Variants in NF1 observed in about 807,000 individuals in gnomAD.
NF1 encodes the protein neurofibromin.
Under a neutral mutation model 325.7 loss-of-function variants are expected in NF1, and 122 were observed. The ratio of observed to expected loss-of-function variants is 0.37; its 90% CI spans 0.32 to 0.44. The LOEUF is 0.44. NF1 is among the 20% of genes least tolerant of loss of function. NF1 has a pLI of 1.00. For synonymous variants in NF1, 1,091 were observed against 1,186.0 expected (o/e 0.92, Z 1.65); for missense variants, 2,140 against 3,415.4 (o/e 0.63, Z 9.31).
intron 18 of NF1, 93 bp from the exon 19 acceptor site, chr17:31,227,125 C>T: frequency 7.6e-6 from 10 of 1,307,746 alleles, no homozygotes; most frequent in Non-Finnish European, 1.0e-5. Flanking sequence ...TTGCTCTGCT[C>T]TTCCTACTCC....
chr17:31,290,290 T>C (rs1040846462), intron 36 of NF1, among the ~76,000 whole-genome samples: 6 of 152,220 alleles, frequency 3.9e-5, no homozygotes, highest in Non-Finnish European at 7.3e-5. Flanking sequence ...GCTGGTTTTA[T>C]GACTTCCTTG....
intron 36 of NF1, among the ~76,000 whole-genome samples, chr17:31,274,572 T>C (rs1293558805): frequency 3.3e-5 from 5 of 152,134 alleles, no homozygotes; most frequent in African/African-American, 1.2e-4. Flanking sequence ...TGGAGGTTAA[T>C]GTGGTCAGAT....
chr17:31,096,980 T>G (rs886450439), intron 1 of NF1, among the ~76,000 whole-genome samples: 9 of 152,294 alleles, frequency 5.9e-5, no homozygotes, highest in Middle Eastern at 3.4e-3. Flanking sequence ...CATAGAAGAC[T>G]TCCAAAGCTG....
At chr17:31,119,689 C>T (rs1914267028) in intron 1 of NF1, among the ~76,000 whole-genome samples, 1 of 152,066 alleles carries the variant, frequency 6.6e-6, no homozygotes, top group Non-Finnish European at 1.5e-5. Flanking sequence ...TTCCCCATGC[C>T]TGTGTCCTGA....
chr17:31,318,709 T>C, intron 36 of NF1: 1 of 1,614,172 alleles, frequency 6.2e-7, no homozygotes, highest in Non-Finnish European at 8.5e-7. Flanking sequence ...TGAAGGACTG[T>C]TGCTGACGAC....
At position 31,295,139 on chromosome 17, in the gene NF1, G is replaced by A. The variant is rs1484618711; in HGVS notation, c.4835+29800G>A. ...CTCTTCCCTCCATAAGTTAAGGGTT[G>A]TGCTTTGTTGAGGCATTTCAGAGAA... is the stretch of plus-strand genomic sequence containing the variant. On this transcript the variant is annotated intron_variant, in intron 36 of 57. Coordinates refer to ENST00000358273, the MANE Select transcript of NF1 (RefSeq NM_001042492.3). 5 of 1,614,178 alleles carry A rather than the reference G, an allele frequency of 3.1e-6. No individual in the cohort carries two copies. In the East Asian group the frequency reaches 1.1e-4, roughly 36 times the overall value.
At chr17:31,095,531 A>C in intron 1 of NF1, 162 bp downstream of exon 1, 4 of 509,616 alleles carry the variant, frequency 7.8e-6, no homozygotes, top group East Asian at 4.1e-5. Context: ...GGGGTGGCCA[A>C]GGCGGGAGGT....
chr17:31,293,482 G>A (rs1307580046), intron 36 of NF1, among the ~76,000 whole-genome samples: 2 of 152,090 alleles, frequency 1.3e-5, no homozygotes, highest in Non-Finnish European at 2.9e-5. Flanking sequence ...GAAAATGTTC[G>A]AGAGCCACTG....
At position 31,305,562 on chromosome 17, in the gene NF1, G is replaced by T. The variant is rs200921973; in HGVS notation, c.4836-20258G>T. ...TCTCTGTCTTTGAAAAAAATGTATT[G>T]TTCAGGTGTCCACAAAACAAAATTA... On this transcript the variant is annotated intron_variant, in intron 36 of 57. Coordinates refer to ENST00000358273, the MANE Select transcript of NF1 (RefSeq NM_001042492.3). 22 of 1,613,752 alleles carry T rather than the reference G, an allele frequency of 1.4e-5. No homozygotes were observed. The highest frequency in any genetic ancestry group is 1.6e-4 in the Middle Eastern group (1 of 6,080).
rs1175775797 is a variant in NF1, at chr17:31,204,258, T to C, written c.1261-1982T>C. Among the ~76,000 whole-genome samples, 8 of 152,134 alleles carry C rather than the reference T, an allele frequency of 5.3e-5. 1 individual carries two copies. The highest frequency in any genetic ancestry group is 4.6e-4 in the Admixed American group (7 of 15,276). On this transcript the variant is annotated intron_variant, in intron 11 of 57. Transcript: ENST00000358273. Reference sequence around the variant, plus strand: ...ACGACAATTTATCGTAATTTACATATGGATAGTTCACATACTGAAAATGAG... The same window carrying C: ...ACGACAATTTATCGTAATTTACATACGGATAGTTCACATACTGAAAATGAG...
At chr17:31,140,204 A>G (rs1916117242) in intron 1 of NF1, among the ~76,000 whole-genome samples, 1 of 152,236 alleles carries the variant, frequency 6.6e-6, no homozygotes, top group Admixed American at 6.5e-5. Flanking sequence ...AGAATCATGT[A>G]GGAGAGGTCA....
chr17:31,350,241 ACTT>A lies in NF1; in HGVS notation c.7387_7389del (p.Leu2463del), dbSNP rs786203184. 1.5e-5 allele frequency: 25 copies of A among 1,613,614 alleles called. No individual in the cohort carries two copies. Among genetic ancestry groups the A allele is most frequent in the East Asian group, 1.3e-4 (6 of 44,868 alleles). ...GCTGCAGCCTAAAACATAGAAAGTC[ACTT>A]CTTCTTACTGATATTTCAATGGAAA... is the stretch of plus-strand genomic sequence containing the variant. On this transcript the variant is annotated inframe_deletion, in exon 50 of 58. Transcript: ENST00000358273.
rs763874870 is a variant in NF1 at position 31,261,801 on chromosome 17, T to C, written c.4668T>C (p.Asp1556=). ...LGPPEHKPVA[D]THWSSLNLTS... Reference sequence around the variant, plus strand: ...CTCCAGAGCACAAACCTGTGGCAGATACACACTGGTCCAGCCTTAACCTTA... The same window carrying C: ...CTCCAGAGCACAAACCTGTGGCAGACACACACTGGTCCAGCCTTAACCTTA... The change falls in exon 35 of 58, where the codon GAT becomes GAC. Residue 1556 remains aspartate, a synonymous_variant. Transcript: ENST00000358273. 1.6e-5 allele frequency: 26 copies of C among 1,612,774 alleles called. No individual in the cohort carries two copies. The highest frequency in any genetic ancestry group is 2.0e-5 in the Non-Finnish European group (24 of 1,179,982).
chr17:31,236,057 G>GTTT, intron 29 of NF1, 36 bp downstream of exon 29: 37 of 1,144,260 alleles, frequency 3.2e-5, no homozygotes, highest in Non-Finnish European at 4.1e-5. Context: ...GCTGTTTTTT[G>GTTT]TTTTTTTTTT....
intron 8 of NF1, among the ~76,000 whole-genome samples, chr17:31,186,120 G>A (rs1021873966): frequency 6.6e-6 from 1 of 152,072 alleles, no homozygotes; most frequent in African/African-American, 2.4e-5. Flanking sequence ...TCATCAAGTG[G>A]AAGTGGTACA....
At chr17:31,259,778 A>T (rs189090887) in intron 33 of NF1, among the ~76,000 whole-genome samples, 1 of 152,334 alleles carries the variant, frequency 6.6e-6, no homozygotes, top group Non-Finnish European at 1.5e-5. Flanking sequence ...TATGTCTGGA[A>T]TTCTGCTTTT....
At chr17:31,324,746 G>C (rs1052568975) in intron 36 of NF1, among the ~76,000 whole-genome samples, 1 of 152,054 alleles carries the variant, frequency 6.6e-6, no homozygotes, top group Non-Finnish European at 1.5e-5. Flanking sequence ...ATTTTTAGTA[G>C]AGACAGCGTT....
intron 40 of NF1, among the ~76,000 whole-genome samples, chr17:31,335,853 A>T (rs1430525267): frequency 2.0e-3 from 228 of 112,518 alleles, no homozygotes; most frequent in Non-Finnish European, 2.4e-3. Flanking sequence ...TAATTTTTGT[A>T]TTTTTTTTTT....
At chr17:31,111,734 C>A (rs1445691116) in intron 1 of NF1, among the ~76,000 whole-genome samples, 2 of 152,100 alleles carry the variant, frequency 1.3e-5, no homozygotes, top group African/African-American at 4.8e-5. Context: ...AGCAGACCTG[C>A]ACTGTAAGAT....
Sources: gnomAD v4.1 joint callset for allele counts (sites outside exome capture counted in the v4.1 genomes callset) on GRCh38, gnomAD v4.1.1 for gene constraint, MANE v1.5 for transcripts, NCBI Gene and HGNC (gene_info 2026-07-23, HGNC 2026-07-21) for gene names.